The following STK38L variants were observed in gnomAD, a reference collection of about 807,000 sequenced individuals.
STK38L encodes serine/threonine kinase 38 like, also known as serine/threonine-protein kinase 38-like.
In STK38L, 28 loss-of-function variants were observed where a neutral mutation model predicts 59.7. That is an observed-to-expected ratio of 0.47 (90% confidence interval 0.35 to 0.64). The LOEUF (loss-of-function observed/expected upper bound fraction) is 0.64, where lower values mean the gene tolerates loss of function less well. Ranked by LOEUF, STK38L falls within the 30% of genes least tolerant of loss-of-function variation. STK38L has a pLI of 0.01. For missense variants in STK38L, 314 were observed against 555.8 expected, an observed-to-expected ratio of 0.56 and a Z score of 4.37; for synonymous variants, 162 against 176.8, an observed-to-expected ratio of 0.92 and a Z score of 0.66.
At chr12:27,269,567 T>C (rs936759562) in intron 1 of STK38L, among the ~76,000 whole-genome samples, 1 of 152,200 alleles carries the variant, frequency 6.6e-6, no homozygotes, top group African/African-American at 2.4e-5. Context: ...GCCCTCCAGC[T>C]TTTTTCTTTT....
In STK38L at chr12:27,284,672, C is replaced by T. The variant is rs904008532; in HGVS notation, c.-11-13038C>T. On this transcript the variant is annotated intron_variant, in intron 1 of 13. Transcript: ENST00000389032. ...CAACTATACAATTTACTTTTTATTC[C>T]ATTTTAGGTATTTTTCCCCTCTCCT... Among the ~76,000 whole-genome samples, 46 of 152,104 alleles carry T rather than the reference C, an allele frequency of 3.0e-4. 1 individual carries two copies. Among genetic ancestry groups the T allele is most frequent in the Non-Finnish European group, 1.3e-4 (9 of 68,034 alleles).
chr12:27,297,744 A>G lies in STK38L; in HGVS notation c.24A>G (p.Thr8=). 1 of 1,614,086 alleles carries G rather than the reference A, an allele frequency of 6.2e-7. No individual in the cohort carries two copies. The highest frequency in any genetic ancestry group is 1.3e-5 in the African/African-American group (1 of 75,044). Reference sequence around the variant, plus strand: ...CTATGGCAATGACGGCAGGGACTACAACAACCTTTCCTATGAGCAACCATA... The same window carrying G: ...CTATGGCAATGACGGCAGGGACTACGACAACCTTTCCTATGAGCAACCATA... MAMTAGT[T]TTFPMSNHTR... Residue 8 remains threonine, a synonymous_variant, in exon 2 of 14, where the codon ACA becomes ACG. Transcript: ENST00000389032.
rs1943646106 is a variant in STK38L at position 27,281,076 on chromosome 12, T to TG, written c.-11-16634_-11-16633insG. On this transcript the variant is annotated intron_variant, in intron 1 of 13. Transcript: ENST00000389032. ...TTTTGGCTTTAGCTTTGTTTTTTTT[T>TG]TTTTTTTTTTTTTTTTTTTTTTTTT... 1.1e-3 allele frequency among the ~76,000 whole-genome samples: 2 copies of TG among 1,828 alleles called. 1 individual carries two copies. The highest frequency in any genetic ancestry group is 0.026 in the South Asian group (2 of 76). The allele number at this position is 1,828 out of a possible 152,430, so 1.2% of individuals were successfully genotyped here.
At chr12:27,302,113 T>G in intron 2 of STK38L, 24 bp from the exon 3 acceptor site, 1 of 1,590,694 alleles carries the variant, frequency 6.3e-7, no homozygotes, top group Non-Finnish European at 8.6e-7. Context: ...TATTTAAAAT[T>G]TAATTTTTTT....
chr12:27,249,568 C>T (rs1016216048), intron 1 of STK38L, among the ~76,000 whole-genome samples: 22 of 152,146 alleles, frequency 1.4e-4, no homozygotes, highest in Non-Finnish European at 2.8e-4. Context: ...GAACTCCCGA[C>T]CTCAGGTGAT....
At chr12:27,293,278 G>T (rs190896809) in intron 1 of STK38L, among the ~76,000 whole-genome samples, 2 of 152,302 alleles carry the variant, frequency 1.3e-5, no homozygotes, top group East Asian at 3.9e-4. Context: ...CTTCATTCTG[G>T]GAAGGCCTAG....
In STK38L at chr12:27,324,747, A is replaced by G. The variant is rs1944802823; in HGVS notation, c.*2292A>G. On this transcript the variant is annotated 3_prime_UTR_variant, in exon 14 of 14. Transcript: ENST00000389032. ...AAAAGCATTTCTTAAGTGCCTATCT[A>G]AAAGCAATTAAAGACTGTGTCTGCC... is the stretch of plus-strand genomic sequence containing the variant. 6.6e-6 allele frequency: 1 copy of G among 152,102 alleles called. No individual in the cohort carries two copies. The highest frequency in any genetic ancestry group is 1.5e-5 in the Non-Finnish European group (1 of 67,948). 9.4% of individuals were successfully genotyped at this position (152,102 alleles called of 1,614,324 possible).
chr12:27,310,962 C>T (rs565108503), intron 5 of STK38L, among the ~76,000 whole-genome samples: 91 of 152,130 alleles, frequency 6.0e-4, no homozygotes, highest in Non-Finnish European at 1.1e-3. Context: ...AATATTTTAA[C>T]TTTTATCACA....
intron 1 of STK38L, among the ~76,000 whole-genome samples, chr12:27,275,303 C>G (rs1217485331): frequency 6.7e-6 from 1 of 149,428 alleles, no homozygotes; most frequent in Non-Finnish European, 1.5e-5. Context: ...TGTTATTGTT[C>G]GTTTGTTTAT....
In STK38L at chr12:27,272,135, T is replaced by C. The variant is rs372015077; in HGVS notation, c.-11-25575T>C. On this transcript the variant is annotated intron_variant, in intron 1 of 13. Transcript: ENST00000389032. ...GGCTATTTTTAGATAGAGTTTTCAC[T>C]CAGCTGTGGTTTGTTTACTTAGCTG... Among the ~76,000 whole-genome samples, 55 of 152,360 alleles carry C rather than the reference T, an allele frequency of 3.6e-4. No individual in the cohort carries two copies. The South Asian group carries it at 0.011, about 29-fold the overall frequency.
chr12:27,246,337 T>TGC, intron 1 of STK38L, among the ~76,000 whole-genome samples: 1 of 152,030 alleles, frequency 6.6e-6, no homozygotes, highest in Non-Finnish European at 1.5e-5. Context: ...TTTGTGTGTG[T>TGC]GTGGCACTTT....
intron 9 of STK38L, among the ~76,000 whole-genome samples, chr12:27,315,907 A>C (rs1356150168): frequency 6.6e-6 from 1 of 152,192 alleles, no homozygotes; most frequent in East Asian, 1.9e-4. Context: ...CCTTTCTATA[A>C]CTGAGCAAAT....
intron 7 of STK38L, 140 bp from the exon 8 acceptor site, chr12:27,314,875 A>G (rs1944548054): frequency 1.2e-6 from 1 of 855,038 alleles, no homozygotes. Context: ...TCATCATCAG[A>G]TACTTAAAAT....
intron 5 of STK38L, 46 bp downstream of exon 5, chr12:27,309,243 G>A (rs370678494): frequency 4.9e-5 from 69 of 1,397,150 alleles, no homozygotes; most frequent in Non-Finnish European, 5.8e-5. Flanking sequence ...ATCCACTGAC[G>A]CAGTGTTAAG....
At chr12:27,255,175 G>A (rs1275091059) in intron 1 of STK38L, among the ~76,000 whole-genome samples, 1 of 152,164 alleles carries the variant, frequency 6.6e-6, no homozygotes, top group Non-Finnish European at 1.5e-5. Flanking sequence ...CAGGCACAAG[G>A]TGGCAGAAAG....
intron 1 of STK38L, among the ~76,000 whole-genome samples, chr12:27,263,268 C>G (rs532594287): frequency 6.6e-6 from 1 of 152,210 alleles, no homozygotes; most frequent in Non-Finnish European, 1.5e-5. Flanking sequence ...CCACCTCTTA[C>G]AGTGGCATGA....
chr12:27,288,196 T>G (rs1943819197), intron 1 of STK38L, among the ~76,000 whole-genome samples: 1 of 152,180 alleles, frequency 6.6e-6, no homozygotes, highest in Non-Finnish European at 1.5e-5. Context: ...TTCTTACATA[T>G]TTTATGAATG....
intron 1 of STK38L, among the ~76,000 whole-genome samples, chr12:27,281,492 G>T (rs1215681300): frequency 6.6e-6 from 1 of 152,196 alleles, no homozygotes; most frequent in Non-Finnish European, 1.5e-5. Flanking sequence ...ACGTTTTCCA[G>T]TTGAGAGGCC....
intron 1 of STK38L, among the ~76,000 whole-genome samples, chr12:27,268,057 G>T (rs1943336547): frequency 6.6e-6 from 1 of 151,932 alleles, no homozygotes; most frequent in Non-Finnish European, 1.5e-5. Flanking sequence ...TTAATCCTTT[G>T]TTTTTATGTG....
Sources: allele counts gnomAD v4.1 joint callset (sites outside exome capture counted in the v4.1 genomes callset), GRCh38; gene constraint gnomAD v4.1.1; transcripts MANE v1.5; gene names NCBI Gene and HGNC (gene_info 2026-07-23, HGNC 2026-07-21).